Variants in GRM7 observed in about 807,000 individuals in gnomAD.
GRM7 encodes metabotropic glutamate receptor 7.
In GRM7, 35 loss-of-function variants were observed where a neutral mutation model predicts 84.5. The ratio of observed to expected loss-of-function variants is 0.41; its 90% CI spans 0.32 to 0.55. The LOEUF is 0.55. Ranked by LOEUF, GRM7 falls within the 20% of genes least tolerant of loss-of-function variation. The pLI is 0.19. For missense variants in GRM7, 1,003 were observed against 1,194.6 expected, an observed-to-expected ratio of 0.84 and a Z score of 2.36; for synonymous variants, 487 against 455.1, an observed-to-expected ratio of 1.07 and a Z score of -0.89.
chr3:7,055,785 T>G (rs1697199178), intron 1 of GRM7, among the ~76,000 whole-genome samples: 1 of 152,002 alleles, frequency 6.6e-6, no homozygotes. Flanking sequence ...CCTCCCAAAG[T>G]GCTGAGATTA....
chr3:7,124,460 C>T (rs371096420), intron 1 of GRM7, among the ~76,000 whole-genome samples: 3 of 152,102 alleles, frequency 2.0e-5, no homozygotes, highest in Non-Finnish European at 2.9e-5. Flanking sequence ...GAACTGAGAT[C>T]GCACCATTGC....
chr3:6,888,231 T>C (rs997464453), intron 1 of GRM7, among the ~76,000 whole-genome samples: 5 of 152,234 alleles, frequency 3.3e-5, no homozygotes, highest in Admixed American at 6.5e-5. Flanking sequence ...AGCTCTTTAG[T>C]TTAATTAGAT....
intron 7 of GRM7, among the ~76,000 whole-genome samples, chr3:7,533,863 C>T (rs143980325): frequency 8.3e-4 from 127 of 152,222 alleles, no homozygotes; most frequent in African/African-American, 2.9e-3. Flanking sequence ...ATAGCCAAGA[C>T]TCATATCAGT....
intron 4 of GRM7, among the ~76,000 whole-genome samples, chr3:7,348,364 T>C (rs1692983844): frequency 6.6e-6 from 1 of 152,128 alleles, no homozygotes. Context: ...TTACTCCTTT[T>C]CCCACTTTCT....
intron 2 of GRM7, among the ~76,000 whole-genome samples, chr3:7,241,114 A>C (rs985129425): frequency 1.3e-5 from 2 of 152,178 alleles, no homozygotes; most frequent in Non-Finnish European, 2.9e-5. Context: ...ATGGTTGCTG[A>C]ATTAATTAAA....
At chr3:6,874,674 C>T (rs1222234675) in intron 1 of GRM7, among the ~76,000 whole-genome samples, 2 of 152,154 alleles carry the variant, frequency 1.3e-5, no homozygotes, top group Non-Finnish European at 2.9e-5. Flanking sequence ...TTCATGAACC[C>T]TTGAATGTTA....
At chr3:7,632,783 A>G (rs1258159679) in intron 8 of GRM7, among the ~76,000 whole-genome samples, 4 of 152,224 alleles carry the variant, frequency 2.6e-5, no homozygotes, top group Non-Finnish European at 5.9e-5. Flanking sequence ...CTGTCATCCT[A>G]CAATCTATTT....
intron 3 of GRM7, among the ~76,000 whole-genome samples, chr3:7,303,130 C>G (rs12487672): frequency 2.6e-5 from 4 of 151,240 alleles, no homozygotes; most frequent in Admixed American, 2.0e-4. Flanking sequence ...TTAGTAGAGA[C>G]GGGCTTTCAC....
intron 2 of GRM7, among the ~76,000 whole-genome samples, chr3:7,184,540 T>C (rs1695450631): frequency 6.6e-6 from 1 of 152,130 alleles, no homozygotes; most frequent in Non-Finnish European, 1.5e-5. Flanking sequence ...TATAATTCTT[T>C]TCTGTTCTCT....
At chr3:7,168,184 G>A (rs17046933) in intron 2 of GRM7, among the ~76,000 whole-genome samples, 5,177 of 151,866 alleles carry the variant, frequency 0.034, 277 homozygotes, top group African/African-American at 0.12. Context: ...TTGCCTTTTC[G>A]TAGAAAACAC....
chr3:7,172,074 T>C (rs2125088965), intron 2 of GRM7, among the ~76,000 whole-genome samples: 1 of 152,350 alleles, frequency 6.6e-6, no homozygotes, highest in South Asian at 2.1e-4. Flanking sequence ...TGTCAGTGTG[T>C]TCCATTTCCA....
In GRM7 at chr3:7,680,087, C is replaced by T; in HGVS notation, c.2490C>T (p.Asn830=). The change falls in exon 9 of 10, where the codon AAC becomes AAT. Residue 830 remains asparagine, a synonymous_variant. Transcript: ENST00000357716. Reference sequence around the variant, plus strand: ...CTACCACGCTTACAATCTCCATGAACCTAAGTGCATCAGTGGCGCTGGGGA... The same window carrying T: ...CTACCACGCTTACAATCTCCATGAATCTAAGTGCATCAGTGGCGCTGGGGA... ...IQTTTLTISM[N]LSASVALGML... is the part of the protein sequence containing the mutation. The T allele has an allele frequency of 6.2e-7, 1 of 1,613,870 alleles. No homozygotes were observed. Among genetic ancestry groups the T allele is most frequent in the Non-Finnish European group, 8.5e-7 (1 of 1,179,774 alleles).
At chr3:6,982,705 C>G (rs1694255845) in intron 1 of GRM7, among the ~76,000 whole-genome samples, 1 of 152,006 alleles carries the variant, frequency 6.6e-6, no homozygotes, top group Non-Finnish European at 1.5e-5. Context: ...TAGTCTTGTC[C>G]TTTTGAGACT....
intron 8 of GRM7, among the ~76,000 whole-genome samples, chr3:7,648,568 G>A (rs139360215): frequency 0.013 from 1,902 of 151,744 alleles, 51 homozygotes; most frequent in African/African-American, 0.044. Context: ...AGAATCGCTT[G>A]AACCTAGGAG....
chr3:7,472,096 T>C lies in GRM7; in HGVS notation c.1515+10374T>C, dbSNP rs563636268. 4.6e-5 allele frequency among the ~76,000 whole-genome samples: 7 copies of C among 152,252 alleles called. No individual in the cohort carries two copies. The South Asian group carries it at 1.5e-3, about 32-fold the overall frequency. On this transcript the variant is annotated intron_variant, in intron 7 of 9. Transcript: ENST00000357716. Reference sequence around the variant, plus strand: ...GGTGTTAAAAAGCCCAAAAACTCCCTCCCCTCTCCTTCTCTCTTGCTTCCT... The same window carrying C: ...GGTGTTAAAAAGCCCAAAAACTCCCCCCCCTCTCCTTCTCTCTTGCTTCCT...
rs1700300947 is a variant in GRM7, at chr3:7,680,053, A to G, written c.2456A>G (p.Tyr819Cys). 5 of 1,613,924 alleles carry G rather than the reference A, an allele frequency of 3.1e-6. No individual in the cohort carries two copies. The highest frequency in any genetic ancestry group is 1.1e-5 in the South Asian group (1 of 91,084). ...CTTGTGTGTTGTGTCTCCTAGCTCT[A>G]CATACAAACTACCACGCTTACAATC... ...FGTAQSAEKLYIQTTTLTISM... is the reference protein window; with the variant it reads ...FGTAQSAEKLCIQTTTLTISM... The change falls in exon 9 of 10, where the codon TAC becomes TGC. Residue 819 changes from tyrosine (Y) to cysteine (C), a missense_variant. Physicochemically the swap from Tyr to Cys is radical, Grantham distance 194. Coordinates refer to ENST00000357716, the MANE Select transcript of GRM7 (RefSeq NM_000844.4).
intron 1 of GRM7, among the ~76,000 whole-genome samples, chr3:7,129,744 G>A (rs1693529201): frequency 6.6e-6 from 1 of 152,090 alleles, no homozygotes; most frequent in African/African-American, 2.4e-5. Context: ...AAGTAGCCTG[G>A]GTCCTTGGTG....
intron 8 of GRM7, among the ~76,000 whole-genome samples, chr3:7,672,794 A>C (rs1699974284): frequency 6.6e-6 from 1 of 151,844 alleles, no homozygotes; most frequent in Non-Finnish European, 1.5e-5. Context: ...TTTTTAGTAG[A>C]GATGGGGTTT....
chr3:7,014,117 C>G (rs1695481264), intron 1 of GRM7, among the ~76,000 whole-genome samples: 1 of 151,958 alleles, frequency 6.6e-6, no homozygotes, highest in African/African-American at 2.4e-5. Context: ...GCTGTGGATG[C>G]CTGTCTTAAA....
Sources: gnomAD v4.1 joint callset for allele counts (sites outside exome capture counted in the v4.1 genomes callset) on GRCh38, gnomAD v4.1.1 for gene constraint, MANE v1.5 for transcripts, NCBI Gene and HGNC (gene_info 2026-07-23, HGNC 2026-07-21) for gene names.